Variants in SLC38A10 observed in about 807,000 individuals in gnomAD.
The protein encoded by SLC38A10 is solute carrier family 38 member 10, also known as Sodium-coupled neutral amino acid transporter 10.
SLC38A10 carries 53 observed loss-of-function variants against 81.0 expected under a neutral mutation model. The observed-to-expected ratio is 0.65, with a 90% CI of 0.53 to 0.82. SLC38A10 has a LOEUF of 0.82. SLC38A10 is among the 40% of genes least tolerant of loss of function. SLC38A10 has a pLI of 0.00. For synonymous variants in SLC38A10, 665 were observed against 655.3 expected (o/e 1.01, Z -0.23); for missense variants, 1,471 against 1,545.0 (o/e 0.95, Z 0.80).
At chr17:81,258,103 G>A (rs1442046956) in intron 11 of SLC38A10, among the ~76,000 whole-genome samples, 3 of 152,144 alleles carry the variant, frequency 2.0e-5, no homozygotes, top group South Asian at 2.1e-4. Flanking sequence ...GTCTAACCAC[G>A]ACACATGACA....
At chr17:81,284,432 G>A (rs1215981460) in intron 3 of SLC38A10, among the ~76,000 whole-genome samples, 4 of 152,164 alleles carry the variant, frequency 2.6e-5, no homozygotes, top group Admixed American at 6.6e-5. Flanking sequence ...AAGGCTGTTC[G>A]TTTGAGTTTA....
intron 14 of SLC38A10, chr17:81,250,969 C>G: frequency 7.6e-7 from 1 of 1,320,284 alleles, no homozygotes; most frequent in South Asian, 2.2e-5. Flanking sequence ...ATGAACACAG[C>G]CGAGCTCCGA....
At chr17:81,273,869 C>T (rs1317359019) in intron 8 of SLC38A10, among the ~76,000 whole-genome samples, 6 of 152,146 alleles carry the variant, frequency 3.9e-5, no homozygotes, top group African/African-American at 7.2e-5. Flanking sequence ...TTGTAGGGAC[C>T]GTGGAGAAAC....
rs944129605 is a variant in SLC38A10 at position 81,286,836 on chromosome 17, G to A, written c.218-1941C>T. On this transcript the variant is annotated intron_variant, in intron 2 of 15. Coordinates refer to ENST00000374759, the MANE Select transcript of SLC38A10 (RefSeq NM_001037984.3). This position sits in a 1 kb window ranked among gnomAD's most constrained non-coding sequence, Gnocchi z 6.0. ...TCACAACCGAGAACTCAGAGGCCGC[G>A]TGGGGGCCAAACAGTCCCTGCTGCT... Among the ~76,000 whole-genome samples, 4 of 152,166 alleles carry A rather than the reference G, an allele frequency of 2.6e-5. No individual in the cohort carries two copies. The highest frequency in any genetic ancestry group is 4.8e-5 in the African/African-American group (2 of 41,428).
chr17:81,251,398 G>A (rs886101065), intron 14 of SLC38A10, 95 bp downstream of exon 14: 2 of 1,611,952 alleles, frequency 1.2e-6, no homozygotes, highest in Non-Finnish European at 1.7e-6. Context: ...GCCTGGCAGG[G>A]CTCCCGAGGA....
In SLC38A10 at chr17:81,265,975, G is replaced by A. The variant is rs930163427; in HGVS notation, c.1131+4943C>T. Among the ~76,000 whole-genome samples the A allele has an allele frequency of 5.3e-5, 8 of 152,226 alleles. No homozygotes were observed. Among genetic ancestry groups the A allele is most frequent in the Non-Finnish European group, 4.4e-5 (3 of 68,044 alleles). On this transcript the variant is annotated intron_variant, in intron 10 of 15. Coordinates refer to ENST00000374759, the MANE Select transcript of SLC38A10 (RefSeq NM_001037984.3). This position sits in a 1 kb window ranked among gnomAD's most constrained non-coding sequence, Gnocchi z 4.2. ...GCGCTTTCTAGCTTCCAAAAGACAT[G>A]GCAAAGCAGGCACAGAGAGATGCTT...
intron 9 of SLC38A10, among the ~76,000 whole-genome samples, chr17:81,272,064 C>T (rs539285654): frequency 2.0e-5 from 3 of 151,252 alleles, no homozygotes; most frequent in African/African-American, 7.3e-5. Context: ...CGAAGTTTCT[C>T]TCTTGTTGCC....
intron 10 of SLC38A10, among the ~76,000 whole-genome samples, chr17:81,269,861 G>A (rs1451005124): frequency 6.6e-6 from 1 of 152,098 alleles, no homozygotes; most frequent in Non-Finnish European, 1.5e-5. Flanking sequence ...CTACTCAGGA[G>A]GCTGAGGCAG....
rs183596694 is a variant in SLC38A10, at chr17:81,257,624, G to C, written c.1288+2614C>G. On this transcript the variant is annotated intron_variant, in intron 11 of 15. Transcript: ENST00000374759. ...CTGCCTCCACGCATGGGGGCTGTGT[G>C]TCCCCGCTTGGGCCTGAGCACACAG... 1.5e-3 allele frequency among the ~76,000 whole-genome samples: 231 copies of C among 152,338 alleles called. 1 individual carries two copies. Among genetic ancestry groups the C allele is most frequent in the African/African-American group, 4.2e-3 (174 of 41,576 alleles).
intron 9 of SLC38A10, among the ~76,000 whole-genome samples, 163 bp from the exon 10 acceptor site, chr17:81,271,187 C>G (rs887860091): frequency 1.3e-5 from 2 of 152,260 alleles, no homozygotes; most frequent in Non-Finnish European, 2.9e-5. Flanking sequence ...GAAAGCCTGA[C>G]AACCGCGGCT....
chr17:81,294,923 G>C lies in SLC38A10; in HGVS notation c.-2C>G, dbSNP rs1463943641. ...GTTGGAGGCGGCGGCCGCGGTCATA[G>C]TGAGAGGTCTAGGGGCCCGGGGCGA... On this transcript the variant is annotated 5_prime_UTR_variant, in exon 1 of 16. Coordinates refer to ENST00000374759, the MANE Select transcript of SLC38A10 (RefSeq NM_001037984.3). 1.9e-6 allele frequency: 3 copies of C among 1,592,696 alleles called. No homozygotes were observed. Among genetic ancestry groups the C allele is most frequent in the Admixed American group, 1.7e-5 (1 of 57,484 alleles).
chr17:81,248,550 G>C (rs1203724571), intron 14 of SLC38A10, among the ~76,000 whole-genome samples: 2 of 152,252 alleles, frequency 1.3e-5, no homozygotes. Context: ...ATTTTTACAA[G>C]ATGTTTTCAA....
chr17:81,284,853 G>A lies in SLC38A10; in HGVS notation c.260C>T (p.Thr87Ile), dbSNP rs1363555375. 6.5e-7 allele frequency: 1 copy of A among 1,542,874 alleles called. No individual in the cohort carries two copies. Among genetic ancestry groups the A allele is most frequent in the Non-Finnish European group, 8.7e-7 (1 of 1,142,898 alleles). Residue 87 changes from threonine to isoleucine, a missense_variant, in exon 3 of 16, where the codon ACC (threonine) becomes ATC (isoleucine). By Grantham distance (89) the Thr-to-Ile change is moderately conservative. This residue lies in a region of SLC38A10 where 720 missense variants were observed against 827.7 expected (regional missense o/e 0.87). Coordinates refer to ENST00000374759, the MANE Select transcript of SLC38A10 (RefSeq NM_001037984.3). ...YGKAGKMLVE[T>I]SMIGLMLGTC... ...GCAGCGGCAGGGCGGGGCTTACCTGGTCTCCACCAGCATCTTGCCTGCCTT... is the reference window on the plus strand; with the variant it reads ...GCAGCGGCAGGGCGGGGCTTACCTGATCTCCACCAGCATCTTGCCTGCCTT...
chr17:81,267,897 G>C lies in SLC38A10; in HGVS notation c.1131+3021C>G, dbSNP rs1206247382. ...CATTGGGACTAAGCAGACAAGACAA[G>C]AGAGCACAACAGCCTAGAGCCTGGG... On this transcript the variant is annotated intron_variant, in intron 10 of 15. Coordinates refer to ENST00000374759, the MANE Select transcript of SLC38A10 (RefSeq NM_001037984.3). Among the ~76,000 whole-genome samples the C allele has an allele frequency of 3.3e-5, 5 of 151,798 alleles. No homozygotes were observed. The East Asian group carries it at 7.8e-4, about 24-fold the overall frequency.
intron 10 of SLC38A10, among the ~76,000 whole-genome samples, chr17:81,266,713 C>T (rs2063073703): frequency 6.6e-6 from 1 of 151,908 alleles, no homozygotes; most frequent in South Asian, 2.1e-4. Context: ...ACCTGGGAAA[C>T]AGATGGGAAC....
At chr17:81,252,100 G>A in intron 13 of SLC38A10, 95 bp downstream of exon 13, 2 of 1,454,224 alleles carry the variant, frequency 1.4e-6, no homozygotes, top group Non-Finnish European at 1.8e-6. Flanking sequence ...AGAGACTGGG[G>A]ACTGAGGGAG....
Position 81,286,673 on chromosome 17 carries a change from G to A in SLC38A10, c.218-1778C>T, listed in dbSNP as rs1013940557. On this transcript the variant is annotated intron_variant, in intron 2 of 15. Transcript: ENST00000374759. This position sits in a 1 kb window ranked among gnomAD's most constrained non-coding sequence, Gnocchi z 6.0. ...CAGGCTGGAGGTATCTGTGAGCGGC[G>A]AGCTCTGAGGGCGCGGCCTCCATGC... is the stretch of plus-strand genomic sequence containing the variant. Among the ~76,000 whole-genome samples the A allele has an allele frequency of 5.3e-5, 8 of 152,154 alleles. No homozygotes were observed. The highest frequency in any genetic ancestry group is 1.7e-4 in the African/African-American group (7 of 41,420).
chr17:81,289,868 C>T lies in SLC38A10; in HGVS notation c.100-60G>A. The T allele has an allele frequency of 7.2e-7, 1 of 1,393,668 alleles. No individual in the cohort carries two copies. The highest frequency in any genetic ancestry group is 1.3e-5 in the South Asian group (1 of 74,810). The allele number at this position is 1,393,668 out of a possible 1,614,324, so 86.3% of individuals were successfully genotyped here. On this transcript the variant is annotated intron_variant, in intron 1 of 15. Transcript: ENST00000374759. This position sits in a 1 kb window ranked among gnomAD's most constrained non-coding sequence, Gnocchi z 5.9. ...AGCAGGTGCTCCCCAGAGGCCCTCACCCCACACACGCGGCTCATGAGGACC... is the reference window on the plus strand; with the variant it reads ...AGCAGGTGCTCCCCAGAGGCCCTCATCCCACACACGCGGCTCATGAGGACC...
chr17:81,247,305 G>A (rs1024585892), intron 14 of SLC38A10: 6 of 391,196 alleles, frequency 1.5e-5, no homozygotes, highest in Non-Finnish European at 2.7e-5. Flanking sequence ...ACCCGGGATG[G>A]CCTCTCCCGC....
Sources: gnomAD v4.1 joint callset for allele counts (sites outside exome capture counted in the v4.1 genomes callset) on GRCh38, gnomAD v4.1.1 for gene constraint, gnomAD v4.1.1 regional missense constraint, Gnocchi (gnomAD v3.1) non-coding constraint, MANE v1.5 for transcripts, NCBI Gene and HGNC (gene_info 2026-07-23, HGNC 2026-07-21) for gene names.